NFIB: variants seen among roughly 807,000 people sequenced by gnomAD.
NFIB encodes nuclear factor I B, also known as nuclear factor 1 B-type.
NFIB carries 11 observed loss-of-function variants against 61.5 expected under a neutral mutation model. The ratio of observed to expected loss-of-function variants is 0.18; its 90% confidence interval spans 0.11 to 0.30. The LOEUF (loss-of-function observed/expected upper bound fraction) is 0.30. NFIB is among the 10% of genes least tolerant of loss of function. The pLI is 1.00. For missense variants in NFIB, 471 were observed against 608.9 expected, an observed-to-expected ratio of 0.77 and a Z score of 2.38; for synonymous variants, 260 against 216.5, an observed-to-expected ratio of 1.20 and a Z score of -1.76.
At chr9:14,257,381 C>T (rs1312466515) in intron 2 of NFIB, among the ~76,000 whole-genome samples, 1 of 152,114 alleles carries the variant, frequency 6.6e-6, no homozygotes, top group Non-Finnish European at 1.5e-5. Flanking sequence ...TTCCCCAGGA[C>T]CAGCAAAACC....
chr9:14,300,168 T>C (rs2059672986), intron 2 of NFIB: 3 of 398,380 alleles, frequency 7.5e-6, no homozygotes, highest in Admixed American at 4.4e-5. Context: ...GAATTTACTT[T>C]AAAATGAGAC....
the NFIB span, among the ~76,000 whole-genome samples, chr9:14,480,149 A>G: frequency 1.3e-5 from 2 of 152,042 alleles, no homozygotes; most frequent in Non-Finnish European, 2.9e-5. Flanking sequence ...AATTTTTCAG[A>G]TATGGGGTCT....
At chr9:14,138,007 T>C (rs1163722144) in intron 6 of NFIB, among the ~76,000 whole-genome samples, 2 of 152,230 alleles carry the variant, frequency 1.3e-5, no homozygotes, top group South Asian at 2.1e-4. Flanking sequence ...AAACATAATA[T>C]CTCAATGACT....
At chr9:14,416,101 G>T in the NFIB span, among the ~76,000 whole-genome samples, 1 of 152,174 alleles carries the variant, frequency 6.6e-6, no homozygotes, top group Non-Finnish European at 1.5e-5. Flanking sequence ...GCAATGGTGA[G>T]TAAGCACTGA....
At chr9:14,398,495 CT>C in intron 1 of NFIB, 2 of 1,493,176 alleles carry the variant, frequency 1.3e-6, no homozygotes, top group Non-Finnish European at 1.8e-6. Context: ...GAAAGAAAAA[CT>C]GGTTAAATTT....
chr9:14,085,405 A>G lies in NFIB; in HGVS notation c.*2904T>C, dbSNP rs992903582. 1 of 223,316 alleles carries G rather than the reference A, an allele frequency of 4.5e-6. No individual in the cohort carries two copies. The highest frequency in any genetic ancestry group is 2.2e-5 in the African/African-American group (1 of 44,728). 13.8% of individuals were successfully genotyped at this position (223,316 alleles called of 1,614,324 possible). A position where few individuals can be genotyped will look rare whatever the true frequency, so the allele number is the denominator to read the frequency against. Reference sequence around the variant, plus strand: ...TGGGCGGTGAGGGAAAGGCAAAATAAAACCAGCCTCCATTCAGCCTCTAGC... The same window carrying G: ...TGGGCGGTGAGGGAAAGGCAAAATAGAACCAGCCTCCATTCAGCCTCTAGC... On this transcript the variant is annotated 3_prime_UTR_variant, in exon 11 of 11. Coordinates refer to ENST00000380953, the MANE Select transcript of NFIB (RefSeq NM_001190737.2).
At chr9:14,200,628 A>G (rs963020678) in intron 2 of NFIB, among the ~76,000 whole-genome samples, 1 of 151,992 alleles carries the variant, frequency 6.6e-6, no homozygotes, top group Non-Finnish European at 1.5e-5. Context: ...CCTTTAGGGC[A>G]CCACTCCTTT....
chr9:14,412,561 C>T, the NFIB span, among the ~76,000 whole-genome samples: 64 of 152,316 alleles, frequency 4.2e-4, no homozygotes, highest in African/African-American at 1.5e-3. Context: ...GCAAATTCCC[C>T]ATGAGTCAAG....
chr9:14,303,886 C>T (rs924532355), intron 2 of NFIB, among the ~76,000 whole-genome samples: 1 of 152,182 alleles, frequency 6.6e-6, no homozygotes, highest in African/African-American at 2.4e-5. Context: ...GCAGTTACTC[C>T]CAAATGATGT....
chr9:14,417,176 C>A, the NFIB span, among the ~76,000 whole-genome samples: 1 of 151,922 alleles, frequency 6.6e-6, no homozygotes, highest in Non-Finnish European at 1.5e-5. Flanking sequence ...CAGGTGTGAG[C>A]CACCACACCC....
At chr9:14,372,187 A>G (rs1471466364) in intron 1 of NFIB, among the ~76,000 whole-genome samples, 2 of 152,128 alleles carry the variant, frequency 1.3e-5, no homozygotes, top group East Asian at 3.9e-4. Flanking sequence ...AAATAAAAAT[A>G]GAAAAAAAAA....
rs938591209 is a variant in NFIB at position 14,267,278 on chromosome 9, C to T, written c.562+39711G>A. 3.3e-5 allele frequency among the ~76,000 whole-genome samples: 5 copies of T among 152,174 alleles called. No homozygotes were observed. The East Asian group carries it at 7.7e-4, about 24-fold the overall frequency. Reference sequence around the variant, plus strand: ...AAAATATTTTTAAATATTTAATTCACGGTGAAGCCAACCTAAGGTTAAATC... The same window carrying T: ...AAAATATTTTTAAATATTTAATTCATGGTGAAGCCAACCTAAGGTTAAATC... On this transcript the variant is annotated intron_variant, in intron 2 of 10. Transcript: ENST00000380953.
chr9:14,360,070 T>C (rs370360770), intron 1 of NFIB, among the ~76,000 whole-genome samples: 1 of 152,230 alleles, frequency 6.6e-6, no homozygotes, highest in African/African-American at 2.4e-5. Context: ...TAAATACATA[T>C]AGTTGTTATC....
chr9:14,408,052 T>C, the NFIB span, among the ~76,000 whole-genome samples: 1 of 152,202 alleles, frequency 6.6e-6, no homozygotes, highest in Non-Finnish European at 1.5e-5. Context: ...CACATTTGTA[T>C]TCTAAATGAA....
chr9:14,301,073 AT>A (rs1229969442), intron 2 of NFIB, among the ~76,000 whole-genome samples: 1 of 152,218 alleles, frequency 6.6e-6, no homozygotes, highest in African/African-American at 2.4e-5. Context: ...ACGAATCTTC[AT>A]GTTTGGAAGT....
At chr9:14,520,472 C>G in the NFIB span, among the ~76,000 whole-genome samples, 1 of 152,196 alleles carries the variant, frequency 6.6e-6, no homozygotes, top group Non-Finnish European at 1.5e-5. Context: ...TAGAGCAGCT[C>G]AGAGGAGAAA....
the NFIB span, among the ~76,000 whole-genome samples, chr9:14,466,641 G>A: frequency 2.0e-5 from 3 of 152,118 alleles, no homozygotes; most frequent in Admixed American, 6.5e-5. Flanking sequence ...TACCAGCAAG[G>A]GGCCTTCTCT....
At position 14,313,613 on chromosome 9, in the gene NFIB, G is replaced by T; in HGVS notation, c.-102C>A. On this transcript the variant is annotated 5_prime_UTR_variant, in exon 1 of 11. Coordinates refer to ENST00000380953, the MANE Select transcript of NFIB (RefSeq NM_001190737.2). This position sits in a 1 kb window ranked among gnomAD's most constrained non-coding sequence, Gnocchi z 4.5. ...TACAGTCATCTGAGCCCCGCGATGC[G>T]ATCAATCAGGACGGGGCTCTGCGCT... The T allele has an allele frequency of 6.3e-7, 1 of 1,599,928 alleles. No homozygotes were observed.
chr9:14,514,990 A>C, the NFIB span, among the ~76,000 whole-genome samples: 1 of 152,166 alleles, frequency 6.6e-6, no homozygotes, highest in Non-Finnish European at 1.5e-5. Flanking sequence ...AAACCATTGC[A>C]CAGAATCTTA....
Sources: allele counts gnomAD v4.1 joint callset (sites outside exome capture counted in the v4.1 genomes callset), GRCh38; gene constraint gnomAD v4.1.1; non-coding constraint Gnocchi (gnomAD v3.1); transcripts MANE v1.5; gene names NCBI Gene and HGNC (gene_info 2026-07-23, HGNC 2026-07-21).